IGF2BP3: variants seen among roughly 807,000 people sequenced by gnomAD.
The protein encoded by IGF2BP3 is insulin like growth factor 2 mRNA binding protein 3, also known as insulin-like growth factor 2 mRNA-binding protein 3.
In IGF2BP3, 9 loss-of-function variants were observed where a neutral mutation model predicts 73.8. That is an observed-to-expected ratio of 0.12 (90% CI 0.07 to 0.21). The LOEUF (loss-of-function observed/expected upper bound fraction) is 0.21, where lower values mean the gene tolerates loss of function less well. IGF2BP3 is among the 10% of genes least tolerant of loss of function. IGF2BP3 has a pLI of 1.00. For synonymous variants in IGF2BP3, 258 were observed against 256.7 expected, an observed-to-expected ratio of 1.01 and a Z score of -0.05; for missense variants, 542 against 714.0, an observed-to-expected ratio of 0.76 and a Z score of 2.75.
intron 3 of IGF2BP3, among the ~76,000 whole-genome samples, chr7:23,373,190 T>C (rs544936483): frequency 9.8e-5 from 15 of 152,334 alleles, no homozygotes; most frequent in Admixed American, 9.1e-4. Flanking sequence ...GATACTTCTA[T>C]ACATCTTAGT....
At chr7:23,396,447 A>T in intron 3 of IGF2BP3, 1 of 182,920 alleles carries the variant, frequency 5.5e-6, no homozygotes, top group Admixed American at 5.1e-5. Context: ...TGCTAAGTCA[A>T]ATAATGAAAT....
At chr7:23,393,033 T>A (rs1786334227) in intron 3 of IGF2BP3, among the ~76,000 whole-genome samples, 1 of 152,218 alleles carries the variant, frequency 6.6e-6, no homozygotes, top group South Asian at 2.1e-4. Flanking sequence ...CACTCTGATA[T>A]CTGACTTCCT....
chr7:23,336,134 A>T (rs1243587388), intron 10 of IGF2BP3, among the ~76,000 whole-genome samples: 1 of 152,226 alleles, frequency 6.6e-6, no homozygotes, highest in Non-Finnish European at 1.5e-5. Flanking sequence ...GGAATGAGAA[A>T]ACATGAGTAG....
At chr7:23,454,066 G>T (rs1456666246) in intron 2 of IGF2BP3, among the ~76,000 whole-genome samples, 1 of 152,058 alleles carries the variant, frequency 6.6e-6, no homozygotes, top group East Asian at 1.9e-4. Context: ...GAGCTCAAGC[G>T]ATTCATCCAA....
intron 6 of IGF2BP3, among the ~76,000 whole-genome samples, chr7:23,349,578 CCT>C (rs750203328): frequency 3.9e-5 from 6 of 152,080 alleles, no homozygotes; most frequent in South Asian, 2.1e-4. Context: ...GCTCCGATCC[CCT>C]GAGAGAAAGG....
At chr7:23,354,615 T>C (rs1355566989) in intron 5 of IGF2BP3, among the ~76,000 whole-genome samples, 1 of 152,244 alleles carries the variant, frequency 6.6e-6, no homozygotes, top group Non-Finnish European at 1.5e-5. Flanking sequence ...AATAGTCACA[T>C]GTATCACAAG....
At chr7:23,344,171 G>A (rs1044517217) in intron 8 of IGF2BP3, among the ~76,000 whole-genome samples, 3 of 152,272 alleles carry the variant, frequency 2.0e-5, no homozygotes, top group African/African-American at 7.2e-5. Flanking sequence ...CAATTGAACA[G>A]TGAATTAAAA....
rs376603163 is a variant in IGF2BP3 at position 23,319,195 on chromosome 7, G to C, written c.1263C>G (p.Ile421Met). The part of the protein sequence containing the change: ...FIPALSVGAI[I>M]GKQGQHIKQL... Reference sequence around the variant, plus strand: ...GCTTGATGTGCTGGCCCTGCTTGCCGATGATGGCACCGACTGATAGAGCTG... The same window carrying C: ...GCTTGATGTGCTGGCCCTGCTTGCCCATGATGGCACCGACTGATAGAGCTG... Residue 421 changes from isoleucine (I) to methionine (M), a missense_variant, in exon 11 of 15, where the codon ATC becomes ATG. This residue lies in a region of IGF2BP3 where 303 missense variants were observed against 472.1 expected (regional missense o/e 0.64). Transcript: ENST00000258729. The C allele has an allele frequency of 6.2e-7, 1 of 1,613,826 alleles. No homozygotes were observed. Among genetic ancestry groups the C allele is most frequent in the Non-Finnish European group, 8.5e-7 (1 of 1,179,892 alleles).
At chr7:23,429,937 C>T (rs952920438) in intron 2 of IGF2BP3, among the ~76,000 whole-genome samples, 17 of 152,156 alleles carry the variant, frequency 1.1e-4, no homozygotes, top group Non-Finnish European at 2.2e-4. Context: ...CTGTCTCAGC[C>T]CCTTCCTTCT....
intron 3 of IGF2BP3, among the ~76,000 whole-genome samples, chr7:23,374,675 T>G (rs1488094851): frequency 6.6e-6 from 1 of 152,022 alleles, no homozygotes; most frequent in African/African-American, 2.4e-5. Context: ...AGACTCTGTC[T>G]CCAATAGTGA....
At chr7:23,431,610 T>C (rs1787678446) in intron 2 of IGF2BP3, among the ~76,000 whole-genome samples, 1 of 151,750 alleles carries the variant, frequency 6.6e-6, no homozygotes, top group South Asian at 2.1e-4. Flanking sequence ...TGCCAGATTC[T>C]AGTGAACTGA....
rs949113888 is a variant in IGF2BP3, at chr7:23,321,547, C to A, written c.1204-2293G>T. On this transcript the variant is annotated intron_variant, in intron 10 of 14. Coordinates refer to ENST00000258729, the MANE Select transcript of IGF2BP3 (RefSeq NM_006547.3). ...GCTTAGGTAAACAAAGCAGCCAGGACGCTCGAACTGGGTGGAGCCCACCAC... is the reference window on the plus strand; with the variant it reads ...GCTTAGGTAAACAAAGCAGCCAGGAAGCTCGAACTGGGTGGAGCCCACCAC... Among the ~76,000 whole-genome samples the A allele has an allele frequency of 3.4e-3, 514 of 152,286 alleles. 1 individual carries two copies. The highest frequency in any genetic ancestry group is 6.0e-3 in the Non-Finnish European group (409 of 68,022).
At chr7:23,447,480 G>C (rs1186851034) in intron 2 of IGF2BP3, among the ~76,000 whole-genome samples, 1 of 151,164 alleles carries the variant, frequency 6.6e-6, no homozygotes, top group Admixed American at 6.6e-5. Flanking sequence ...AAAAAAATTA[G>C]CCAGGCATGG....
Position 23,427,655 on chromosome 7 carries a change from T to A in IGF2BP3, c.237-8831A>T, listed in dbSNP as rs181781961. Among the ~76,000 whole-genome samples the A allele has an allele frequency of 2.6e-5, 4 of 151,854 alleles. No individual in the cohort carries two copies. The East Asian group carries it at 7.8e-4, about 30-fold the overall frequency. ...GGAAGGCGGAGGTGGGTGGATCACC[T>A]GAGGTCCAGAGTTCAAGAACAGCCT... On this transcript the variant is annotated intron_variant, in intron 2 of 14. Transcript: ENST00000258729.
chr7:23,456,740 T>G (rs1018837856), intron 2 of IGF2BP3, among the ~76,000 whole-genome samples: 3 of 152,158 alleles, frequency 2.0e-5, no homozygotes, highest in African/African-American at 7.2e-5. Flanking sequence ...TATAACTAAT[T>G]ATGTCAACAT....
intron 2 of IGF2BP3, among the ~76,000 whole-genome samples, chr7:23,432,050 A>G (rs1787696290): frequency 6.6e-6 from 1 of 152,196 alleles, no homozygotes; most frequent in Non-Finnish European, 1.5e-5. Flanking sequence ...GAATCTAAAC[A>G]TGGTTTTTTC....
At chr7:23,320,611 C>A (rs1185758150) in intron 10 of IGF2BP3, among the ~76,000 whole-genome samples, 9 of 144,122 alleles carry the variant, frequency 6.2e-5, no homozygotes, top group East Asian at 4.1e-4. Context: ...TGAAATGAGC[C>A]ACAACTGAAG....
chr7:23,334,855 G>C (rs1197642457), intron 10 of IGF2BP3, among the ~76,000 whole-genome samples: 1 of 152,080 alleles, frequency 6.6e-6, no homozygotes, highest in Non-Finnish European at 1.5e-5. Flanking sequence ...TACTTTGTGG[G>C]GGACAAAATC....
intron 9 of IGF2BP3, among the ~76,000 whole-genome samples, 165 bp from the exon 10 acceptor site, chr7:23,342,354 C>T (rs1183792769): frequency 6.6e-6 from 1 of 152,160 alleles, no homozygotes; most frequent in Non-Finnish European, 1.5e-5. Context: ...TCGTTTACAT[C>T]TGTTTATATC....
Sources: allele counts gnomAD v4.1 joint callset (sites outside exome capture counted in the v4.1 genomes callset), GRCh38; gene constraint gnomAD v4.1.1; regional missense constraint gnomAD v4.1.1; transcripts MANE v1.5; gene names NCBI Gene and HGNC (gene_info 2026-07-23, HGNC 2026-07-21).